ASB3: variants seen among roughly 807,000 people sequenced by gnomAD.
The protein encoded by ASB3 is ankyrin repeat and SOCS box protein 3.
A neutral mutation model predicts 54.5 loss-of-function variants in ASB3; 41 were observed. The ratio of observed to expected loss-of-function variants is 0.75; its 90% CI spans 0.59 to 0.98. ASB3 has a LOEUF of 0.98. Ranked by LOEUF, ASB3 falls within the 50% of genes least tolerant of loss-of-function variation. The pLI, the probability that ASB3 is intolerant of heterozygous loss-of-function variation, is 0.00. For synonymous variants in ASB3, 266 were observed against 221.2 expected, an observed-to-expected ratio of 1.20 and a Z score of -1.80; for missense variants, 733 against 620.0, an observed-to-expected ratio of 1.18 and a Z score of -1.94.
chr2:53,688,031 A>G (rs536248650), intron 9 of ASB3, among the ~76,000 whole-genome samples: 12 of 152,034 alleles, frequency 7.9e-5, no homozygotes, highest in Non-Finnish European at 1.3e-4. Context: ...ATGTTGCCCA[A>G]CTGGTCTTGA....
At chr2:53,750,972 A>T in intron 2 of ASB3, 31 bp from the exon 3 acceptor site, 1 of 1,464,710 alleles carries the variant, frequency 6.8e-7, no homozygotes, top group Non-Finnish European at 9.1e-7. Context: ...ATCAACTAGA[A>T]GGTATTACTT....
rs147895055 is a variant in ASB3 at position 53,765,465 on chromosome 2, G to A, written c.108C>T (p.Val36=). The A allele has an allele frequency of 5.6e-5, 91 of 1,614,154 alleles. No homozygotes were observed. The South Asian group carries it at 7.0e-4, about 12-fold the overall frequency. Residue 36 remains valine (V), a synonymous_variant, in exon 2 of 10, where the codon GTC becomes GTT. Transcript: ENST00000263634. The part of the protein sequence containing the change: ...LRKLLKKGRS[V]DVADNRGWMP... ...TCCATCCCCTGTTATCAGCAACATC[G>A]ACACTTCGGCCCTTTTTGAGCAGTT...
chr2:53,736,975 C>T (rs571666930), intron 3 of ASB3, among the ~76,000 whole-genome samples: 1 of 152,292 alleles, frequency 6.6e-6, no homozygotes, highest in South Asian at 2.1e-4. Flanking sequence ...CAGAGCAAGA[C>T]TCTGTCTCAA....
intron 3 of ASB3, among the ~76,000 whole-genome samples, chr2:53,733,564 C>G (rs144292778): frequency 6.7e-4 from 102 of 152,176 alleles, no homozygotes; most frequent in African/African-American, 2.4e-3. Flanking sequence ...GCGTCAGCCT[C>G]CCGAGTAGCT....
intron 7 of ASB3, among the ~76,000 whole-genome samples, chr2:53,705,965 T>C (rs991141888): frequency 6.6e-6 from 1 of 152,188 alleles, no homozygotes; most frequent in African/African-American, 2.4e-5. Context: ...AGGTGATCTG[T>C]ACATATATTG....
At chr2:53,767,358 A>G (rs964885416) in intron 1 of ASB3, 1 of 152,278 alleles carries the variant, frequency 6.6e-6, no homozygotes, top group African/African-American at 2.4e-5. Context: ...AAAATCAAAT[A>G]TGAATTACAT....
At position 53,774,226 on chromosome 2, in the gene ASB3, G is replaced by A. The variant is rs776809846; in HGVS notation, c.-13-8641C>T. On this transcript the variant is annotated intron_variant, in intron 1 of 9. Coordinates refer to ENST00000263634, the MANE Select transcript of ASB3 (RefSeq NM_016115.5). ...ATACCTTGACTTCAGAGAAAAAGGAGGCTACAGAACCACAACAGTCATTTT... is the reference window on the plus strand; with the variant it reads ...ATACCTTGACTTCAGAGAAAAAGGAAGCTACAGAACCACAACAGTCATTTT... The A allele has an allele frequency of 1.5e-5, 24 of 1,613,902 alleles. 1 individual carries two copies. In the South Asian group the frequency reaches 2.6e-4, roughly 18 times the overall value.
chr2:53,721,551 T>C (rs1475545079), intron 5 of ASB3, among the ~76,000 whole-genome samples: 7 of 152,134 alleles, frequency 4.6e-5, no homozygotes, highest in South Asian at 2.1e-4. Flanking sequence ...AGCCTGGCGA[T>C]AGAGTGAGAC....
chr2:53,690,278 A>G (rs1018127077), intron 9 of ASB3, among the ~76,000 whole-genome samples: 2 of 152,146 alleles, frequency 1.3e-5, no homozygotes, highest in African/African-American at 4.8e-5. Context: ...AATTAAATTA[A>G]AAACTGAGTT....
At chr2:53,705,327 ATTGTAAT>A (rs1394469425) in intron 7 of ASB3, among the ~76,000 whole-genome samples, 2 of 152,220 alleles carry the variant, frequency 1.3e-5, no homozygotes, top group Middle Eastern at 6.3e-3. Flanking sequence ...ACAAAAACAA[ATTGTAAT>A]TATGCTCACA....
chr2:53,715,852 A>G (rs1388285277), intron 6 of ASB3, among the ~76,000 whole-genome samples: 2 of 152,184 alleles, frequency 1.3e-5, no homozygotes, highest in Non-Finnish European at 2.9e-5. Context: ...ATATTTTACT[A>G]TTACTTTTTA....
Position 53,708,222 on chromosome 2 carries a change from G to GT in ASB3, c.980+6161dup, listed in dbSNP as rs202016005. ...TAGGGAGTTCTTGTGAGAGCTAGTT[G>GT]TTTAAAAGTGTGTGGCACCTCCCAC... On this transcript the variant is annotated intron_variant, in intron 7 of 9. Transcript: ENST00000263634. Among the ~76,000 whole-genome samples the GT allele has an allele frequency of 1.8e-3, 277 of 152,218 alleles. 5 individuals are homozygous for GT. In the East Asian group the frequency reaches 0.029, roughly 16 times the overall value.
intron 3 of ASB3, among the ~76,000 whole-genome samples, chr2:53,743,933 C>T (rs1055316539): frequency 1.3e-5 from 2 of 151,776 alleles, no homozygotes; most frequent in Admixed American, 6.6e-5. Flanking sequence ...AGCTCAGCTA[C>T]TCGGGAGGCT....
intron 3 of ASB3, among the ~76,000 whole-genome samples, chr2:53,736,275 G>A (rs940588060): frequency 7.2e-5 from 11 of 152,122 alleles, no homozygotes; most frequent in Non-Finnish European, 1.5e-4. Flanking sequence ...AAATGCAAAT[G>A]AAAACCTCAG....
At chr2:53,730,697 G>A (rs941605227) in intron 3 of ASB3, among the ~76,000 whole-genome samples, 8 of 152,046 alleles carry the variant, frequency 5.3e-5, no homozygotes, top group East Asian at 1.9e-4. Flanking sequence ...CCTCAACCTC[G>A]CCAGCACCTG....
chr2:53,719,728 G>A (rs547117745), intron 5 of ASB3, among the ~76,000 whole-genome samples: 8 of 152,182 alleles, frequency 5.3e-5, no homozygotes, highest in East Asian at 3.9e-4. Context: ...GCTCCTGATC[G>A]AAATCAGCCA....
At chr2:53,729,364 G>A in intron 4 of ASB3, 94 bp downstream of exon 4, 1 of 1,234,686 alleles carries the variant, frequency 8.1e-7, no homozygotes, top group Non-Finnish European at 1.2e-6. Context: ...ATAAATCACA[G>A]GCAAGCAGAA....
At chr2:53,721,352 C>T (rs13003736) in intron 5 of ASB3, among the ~76,000 whole-genome samples, 2,827 of 138,984 alleles carry the variant, frequency 0.02, 25 homozygotes, top group Non-Finnish European at 0.028. Context: ...CTCAAGAGTT[C>T]GAGACCAGCC....
At chr2:53,700,877 A>G (rs1416326441) in intron 7 of ASB3, among the ~76,000 whole-genome samples, 3 of 152,264 alleles carry the variant, frequency 2.0e-5, no homozygotes, top group Non-Finnish European at 2.9e-5. Context: ...AACAAAATCA[A>G]TAAACAACGT....
Sources: allele counts gnomAD v4.1 joint callset (sites outside exome capture counted in the v4.1 genomes callset), GRCh38; gene constraint gnomAD v4.1.1; transcripts MANE v1.5; gene names NCBI Gene and HGNC (gene_info 2026-07-23, HGNC 2026-07-21).